The following NECAB1 variants were observed in gnomAD, a reference collection of about 807,000 sequenced individuals.
NECAB1 encodes the protein N-terminal EF-hand calcium binding protein 1, also known as N-terminal EF-hand calcium-binding protein 1.
A neutral mutation model predicts 57.5 loss-of-function variants in NECAB1; 29 were observed. The observed-to-expected ratio is 0.50, with a 90% CI of 0.38 to 0.69. NECAB1 has a LOEUF of 0.69. Among genes scored for constraint, NECAB1 ranks in the 30% least tolerant of loss-of-function variants. NECAB1 has a pLI of 0.00. For synonymous variants in NECAB1, 142 were observed against 147.7 expected (o/e 0.96, Z 0.28); for missense variants, 372 against 413.8 (o/e 0.90, Z 0.88).
At chr8:90,870,272 C>T (rs1171897276) in intron 3 of NECAB1, among the ~76,000 whole-genome samples, 3 of 152,182 alleles carry the variant, frequency 2.0e-5, no homozygotes, top group Non-Finnish European at 2.9e-5. Context: ...CAGACTAATA[C>T]ATTGTCCAAC....
At chr8:90,922,567 A>G (rs1810147821) in intron 6 of NECAB1, among the ~76,000 whole-genome samples, 1 of 132,514 alleles carries the variant, frequency 7.5e-6, no homozygotes, top group Non-Finnish European at 1.5e-5. Flanking sequence ...ATCTCTGCTC[A>G]CTGCAACCTC....
At chr8:90,953,866 C>T (rs576595494) in intron 12 of NECAB1, among the ~76,000 whole-genome samples, 36 of 152,062 alleles carry the variant, frequency 2.4e-4, no homozygotes, top group African/African-American at 7.2e-4. Flanking sequence ...GACAGGAGAT[C>T]GAGACCAGTG....
chr8:90,850,144 A>C (rs1394876357), intron 3 of NECAB1, among the ~76,000 whole-genome samples: 1 of 152,218 alleles, frequency 6.6e-6, no homozygotes, highest in Non-Finnish European at 1.5e-5. Flanking sequence ...AGAGAGATAA[A>C]AGTAGAGATG....
chr8:90,875,518 A>G (rs915791137), intron 4 of NECAB1, among the ~76,000 whole-genome samples: 3 of 148,390 alleles, frequency 2.0e-5, no homozygotes, highest in Non-Finnish European at 4.5e-5. Context: ...AAAAAAAAGA[A>G]TAGGTAGTTG....
chr8:90,807,018 T>C (rs1184403159), intron 2 of NECAB1, among the ~76,000 whole-genome samples: 1 of 152,198 alleles, frequency 6.6e-6, no homozygotes, highest in East Asian at 1.9e-4. Context: ...TATGCACCTA[T>C]GTCACCTATG....
chr8:90,850,996 A>G (rs1232309621), intron 3 of NECAB1, among the ~76,000 whole-genome samples: 1 of 152,166 alleles, frequency 6.6e-6, no homozygotes, highest in African/African-American at 2.4e-5. Flanking sequence ...CTCAACCTCC[A>G]GGGAGGATAG....
chr8:90,916,210 T>C (rs1162423685), intron 5 of NECAB1, among the ~76,000 whole-genome samples: 1 of 152,212 alleles, frequency 6.6e-6, no homozygotes, highest in African/African-American at 2.4e-5. Context: ...TTTTACTATT[T>C]CAAATTGAGA....
chr8:90,927,501 C>G (rs962533276), intron 7 of NECAB1, among the ~76,000 whole-genome samples: 1 of 151,658 alleles, frequency 6.6e-6, no homozygotes, highest in African/African-American at 2.4e-5. Context: ...TACAAATATG[C>G]CAGGATATTT....
At position 90,955,784 on chromosome 8, in the gene NECAB1, A is replaced by G; in HGVS notation, c.*272A>G. On this transcript the variant is annotated 3_prime_UTR_variant, in exon 13 of 13. Coordinates refer to ENST00000417640, the MANE Select transcript of NECAB1 (RefSeq NM_022351.5). ...AAAACCTTTTAGTGACAAAATCCTA[A>G]TATGTGGAAAAAAGCATATGCATAA... 2.8e-6 allele frequency: 1 copy of G among 361,884 alleles called. No homozygotes were observed. The highest frequency in any genetic ancestry group is 4.7e-5 in the Admixed American group (1 of 21,210). 22.4% of individuals were successfully genotyped at this position (361,884 alleles called of 1,614,324 possible). A position where few individuals can be genotyped will look rare whatever the true frequency, so the allele number is the denominator to read the frequency against.
At position 90,940,848 on chromosome 8, in the gene NECAB1, C is replaced by A. The variant is rs371534283; in HGVS notation, c.810C>A (p.Leu270=). The part of the protein sequence containing the change: ...VIEEDLEEFQ[L]ALKHYVESAS... ...AAGAGGACCTGGAAGAATTCCAGCT[C>A]GCTCTGAAACACTACGTGGAGAGTG... Residue 270 remains leucine, a synonymous_variant, in exon 10 of 13, where the codon CTC becomes CTA. Transcript: ENST00000417640. The A allele has an allele frequency of 1.4e-5, 22 of 1,563,606 alleles. No individual in the cohort carries two copies. In the African/African-American group the frequency reaches 2.7e-4, roughly 19 times the overall value.
chr8:90,937,423 CA>C (rs893440911), intron 9 of NECAB1, among the ~76,000 whole-genome samples: 1 of 151,930 alleles, frequency 6.6e-6, no homozygotes, highest in African/African-American at 2.4e-5. Flanking sequence ...GGAATACTTC[CA>C]AAATGACATA....
chr8:90,812,476 C>T (rs558905214), intron 2 of NECAB1, among the ~76,000 whole-genome samples: 95 of 152,216 alleles, frequency 6.2e-4, no homozygotes, highest in African/African-American at 1.7e-3. Context: ...TTTCTAGCCA[C>T]GAAAACTAAT....
intron 7 of NECAB1, among the ~76,000 whole-genome samples, chr8:90,928,009 AT>A (rs5893146): frequency 0.53 from 79,799 of 151,640 alleles, 24,520 homozygotes; most frequent in African/African-American, 0.83. Flanking sequence ...AGGCAATTAC[AT>A]TAAAAAACAG....
chr8:90,855,502 C>T (rs1345190810), intron 3 of NECAB1, among the ~76,000 whole-genome samples: 1 of 152,162 alleles, frequency 6.6e-6, no homozygotes, highest in Non-Finnish European at 1.5e-5. Context: ...CTTTGGGTCA[C>T]ATATCCAACA....
chr8:90,922,771 G>A (rs1339292700), intron 6 of NECAB1, among the ~76,000 whole-genome samples: 1 of 152,002 alleles, frequency 6.6e-6, no homozygotes, highest in African/African-American at 2.4e-5. Flanking sequence ...GGGATTATAG[G>A]CGTGAGCCAC....
chr8:90,840,950 C>CAAAA (rs34615882), intron 3 of NECAB1, among the ~76,000 whole-genome samples: 6 of 121,666 alleles, frequency 4.9e-5, no homozygotes, highest in African/African-American at 1.9e-4. Flanking sequence ...TAAATCTATT[C>CAAAA]AAAAAAAAAA....
At chr8:90,951,262 T>A in intron 12 of NECAB1, 58 bp downstream of exon 12, 1 of 994,546 alleles carries the variant, frequency 1.0e-6, no homozygotes, top group Non-Finnish European at 1.5e-6. Flanking sequence ...TTTGTTTGTT[T>A]CGTAAAAGAT....
At chr8:90,884,898 A>G (rs1352160) in intron 5 of NECAB1, among the ~76,000 whole-genome samples, 81,172 of 152,000 alleles carry the variant, frequency 0.53, 25,684 homozygotes, top group African/African-American at 0.87. Flanking sequence ...CCTCCATGCA[A>G]CCCTGGCCAG....
chr8:90,879,061 CTTATATATAATATATA>C (rs1808784691), intron 4 of NECAB1, among the ~76,000 whole-genome samples: 1 of 130,258 alleles, frequency 7.7e-6, no homozygotes, highest in African/African-American at 3.1e-5. Flanking sequence ...TAATATATAT[CTTATATATAATATATA>C]TTATATATAT....
Sources: allele counts gnomAD v4.1 joint callset (sites outside exome capture counted in the v4.1 genomes callset), GRCh38; gene constraint gnomAD v4.1.1; transcripts MANE v1.5; gene names NCBI Gene and HGNC (gene_info 2026-07-23, HGNC 2026-07-21).